Variants in GAN observed in about 807,000 individuals in gnomAD.
The protein encoded by GAN is gigaxonin.
GAN carries 48 observed loss-of-function variants against 71.3 expected under a neutral mutation model. That is an observed-to-expected ratio of 0.67 (90% CI 0.53 to 0.86). The LOEUF is 0.86. Ranked by LOEUF, GAN falls within the 40% of genes least tolerant of loss-of-function variation. The probability of loss-of-function intolerance (pLI) is 0.00; values close to 1 mark genes in which losing one functional copy is unlikely to be tolerated. For synonymous variants in GAN, 386 were observed against 276.8 expected, an observed-to-expected ratio of 1.39 and a Z score of -3.92; for missense variants, 928 against 770.1, an observed-to-expected ratio of 1.21 and a Z score of -2.43.
chr16:81,365,603 A>C, intron 9 of GAN, 125 bp downstream of exon 9: 31 of 904,952 alleles, frequency 3.4e-5, no homozygotes, highest in Middle Eastern at 2.2e-4. Flanking sequence ...ATAACGTCTC[A>C]TGCATACTAG....
At position 81,375,205 on chromosome 16, in the gene GAN, AT is replaced by A. The variant is rs1201914481; in HGVS notation, c.1503-2011del. On this transcript the variant is annotated intron_variant, in intron 9 of 10. Coordinates refer to ENST00000648994, the MANE Select transcript of GAN (RefSeq NM_022041.4). ...TGCTGGGAAAAAATATTCATAATAC[AT>A]TTATCTAGCAAAGTATCTATATCCA... 2.6e-5 allele frequency among the ~76,000 whole-genome samples: 4 copies of A among 152,128 alleles called. No homozygotes were observed. In the South Asian group the frequency reaches 8.3e-4, roughly 32 times the overall value.
At chr16:81,324,601 A>T (rs1023097379) in intron 1 of GAN, among the ~76,000 whole-genome samples, 2 of 152,178 alleles carry the variant, frequency 1.3e-5, no homozygotes, top group South Asian at 2.1e-4. Context: ...TCCCTGAGTT[A>T]GAGCTGGCAT....
Position 81,362,737 on chromosome 16 carries a change from A to T in GAN, c.1086+126A>T, listed in dbSNP as rs11862778. ...CAAGCCACCTGCCTCATTCGCTCCA[A>T]CCTCTCCTTCTAGTGCCCGGCTCTC... On this transcript the variant is annotated intron_variant, in intron 6 of 10. Transcript: ENST00000648994. 7 of 713,374 alleles carry T rather than the reference A, an allele frequency of 9.8e-6. No individual in the cohort carries two copies. In the East Asian group the frequency reaches 1.3e-4, roughly 14 times the overall value. The allele number at this position is 713,374 out of a possible 1,614,324, so 44.2% of individuals were successfully genotyped here.
At chr16:81,340,890 G>A (rs80299950) in intron 1 of GAN, among the ~76,000 whole-genome samples, 13 of 151,956 alleles carry the variant, frequency 8.6e-5, no homozygotes, top group East Asian at 2.0e-4. Context: ...ATCGAAAAGC[G>A]TTCAAAAAGG....
chr16:81,389,936 A>G lies in GAN; in HGVS notation c.*12340A>G, dbSNP rs953849423. 6.6e-6 allele frequency: 1 copy of G among 152,194 alleles called. No individual in the cohort carries two copies. Among genetic ancestry groups the G allele is most frequent in the African/African-American group, 2.4e-5 (1 of 41,442 alleles). The allele number at this position is 152,194 out of a possible 1,614,324, so 9.4% of individuals were successfully genotyped here. A position where few individuals can be genotyped will look rare whatever the true frequency, so the allele number is the denominator to read the frequency against. On this transcript the variant is annotated 3_prime_UTR_variant, in exon 11 of 11. Coordinates refer to ENST00000648994, the MANE Select transcript of GAN (RefSeq NM_022041.4). ...GGAAAATGCCACGAATACCATATAA[A>G]TACCACACCAATCTGTTGAACATAT...
intron 1 of GAN, among the ~76,000 whole-genome samples, chr16:81,341,802 A>G (rs899750481): frequency 6.6e-6 from 1 of 152,208 alleles, no homozygotes; most frequent in African/African-American, 2.4e-5. Context: ...TTAAATGTAA[A>G]TGGGCTAAAT....
intron 9 of GAN, among the ~76,000 whole-genome samples, chr16:81,368,372 T>A (rs1187086820): frequency 6.6e-6 from 1 of 152,320 alleles, no homozygotes; most frequent in East Asian, 1.9e-4. Flanking sequence ...ACCCAGGTGG[T>A]AGGATCCCTT....
At chr16:81,334,253 T>C (rs1276303572) in intron 1 of GAN, among the ~76,000 whole-genome samples, 1 of 152,126 alleles carries the variant, frequency 6.6e-6, no homozygotes, top group African/African-American at 2.4e-5. Context: ...CTGTGTTGCA[T>C]AGTTGGGGGA....
At position 81,380,219 on chromosome 16, in the gene GAN, ACAT is replaced by A. The variant is rs1400565261; in HGVS notation, c.*2627_*2629del. 6.6e-6 allele frequency: 1 copy of A among 152,640 alleles called. No individual in the cohort carries two copies. The highest frequency in any genetic ancestry group is 1.5e-5 in the Non-Finnish European group (1 of 68,032). The allele number at this position is 152,640 out of a possible 1,614,324, so 9.5% of individuals were successfully genotyped here. A position where few individuals can be genotyped will look rare whatever the true frequency, so the allele number is the denominator to read the frequency against. ...TTTAACATTCCACTTATGCCTTGAA[ACAT>A]CATTTCTTGATAACTTTTTGATACT... On this transcript the variant is annotated 3_prime_UTR_variant, in exon 11 of 11. Transcript: ENST00000648994.
At chr16:81,330,057 C>T (rs1168358106) in intron 1 of GAN, among the ~76,000 whole-genome samples, 1 of 152,172 alleles carries the variant, frequency 6.6e-6, no homozygotes, top group Admixed American at 6.5e-5. Flanking sequence ...GATGCCCAGA[C>T]CTCTCGTTTC....
intron 1 of GAN, among the ~76,000 whole-genome samples, chr16:81,337,404 G>A (rs1311212128): frequency 6.6e-6 from 1 of 152,044 alleles, no homozygotes; most frequent in African/African-American, 2.4e-5. Flanking sequence ...TGCTTTTATT[G>A]GAGACAAGCT....
chr16:81,327,422 C>G (rs1223558136), intron 1 of GAN, among the ~76,000 whole-genome samples: 1 of 152,176 alleles, frequency 6.6e-6, no homozygotes, highest in Non-Finnish European at 1.5e-5. Context: ...GTACTGGAGG[C>G]TGTAGTTTTT....
chr16:81,343,478 A>T (rs916588107), intron 1 of GAN, among the ~76,000 whole-genome samples: 3 of 152,214 alleles, frequency 2.0e-5, no homozygotes, highest in African/African-American at 7.2e-5. Flanking sequence ...CAAATCAATA[A>T]ACATAATCCA....
At chr16:81,351,456 C>G (rs1910297141) in intron 1 of GAN, 127 bp from the exon 2 acceptor site, 2 of 652,266 alleles carry the variant, frequency 3.1e-6, no homozygotes, top group Admixed American at 2.4e-5. Flanking sequence ...AGTTAACGAA[C>G]TAAATTTTCT....
At position 81,380,002 on chromosome 16, in the gene GAN, G is replaced by T. The variant is rs1426094933; in HGVS notation, c.*2406G>T. 6.6e-6 allele frequency: 1 copy of T among 152,082 alleles called. No homozygotes were observed. The highest frequency in any genetic ancestry group is 2.4e-5 in the African/African-American group (1 of 41,258). The allele number at this position is 152,082 out of a possible 1,614,324, so 9.4% of individuals were successfully genotyped here. On this transcript the variant is annotated 3_prime_UTR_variant, in exon 11 of 11. Transcript: ENST00000648994. ...TAAAATAAATTTGCCACATAATATG[G>T]GATGCAATAACCAACAAAGCTGCTA...
intron 2 of GAN, 152 bp downstream of exon 2, chr16:81,351,849 C>T: frequency 1.4e-6 from 1 of 697,946 alleles, no homozygotes; most frequent in Non-Finnish European, 2.6e-6. Context: ...CTGGTAATGG[C>T]ACCCCATGTG....
At chr16:81,321,104 T>C in intron 1 of GAN, among the ~76,000 whole-genome samples, 1 of 152,234 alleles carries the variant, frequency 6.6e-6, no homozygotes, top group Non-Finnish European at 1.5e-5. Context: ...AGTTTAAAGA[T>C]ATTTGTTTAT....
In GAN at chr16:81,357,127, T is replaced by C. The variant is rs113656513; in HGVS notation, c.851+125T>C. On this transcript the variant is annotated intron_variant, in intron 4 of 10. Coordinates refer to ENST00000648994, the MANE Select transcript of GAN (RefSeq NM_022041.4). Reference sequence around the variant, plus strand: ...TACATTTGATTTTTTTTTTTATACTTTAAGTTTTAGGGTACATGTGCACAA... The same window carrying C: ...TACATTTGATTTTTTTTTTTATACTCTAAGTTTTAGGGTACATGTGCACAA... 22,239 of 749,614 alleles carry C rather than the reference T, an allele frequency of 0.03. 468 individuals carry two copies. The highest frequency in any genetic ancestry group is 0.078 in the African/African-American group (4,509 of 57,766). The allele number at this position is 749,614 out of a possible 1,614,324, so 46.4% of individuals were successfully genotyped here. A position where few individuals can be genotyped will look rare whatever the true frequency, so the allele number is the denominator to read the frequency against.
intron 1 of GAN, among the ~76,000 whole-genome samples, chr16:81,343,492 C>A (rs1910014691): frequency 6.6e-6 from 1 of 152,192 alleles, no homozygotes; most frequent in African/African-American, 2.4e-5. Context: ...TAATCCATCA[C>A]ATAAGCAGAA....
Sources: gnomAD v4.1 joint callset for allele counts (sites outside exome capture counted in the v4.1 genomes callset) on GRCh38, gnomAD v4.1.1 for gene constraint, MANE v1.5 for transcripts, NCBI Gene and HGNC (gene_info 2026-07-23, HGNC 2026-07-21) for gene names.